C16orf74: variants seen among roughly 807,000 people sequenced by gnomAD.
The protein encoded by C16orf74 is uncharacterized protein C16orf74.
A neutral mutation model predicts 6.5 loss-of-function variants in C16orf74; 10 were observed. The ratio of observed to expected loss-of-function variants is 1.54; its 90% CI spans 0.95 to 2.61. The LOEUF (loss-of-function observed/expected upper bound fraction) is 2.61, where lower values mean the gene tolerates loss of function less well. C16orf74 is among the 30% of genes most tolerant of loss of function. C16orf74 has a pLI of 0.00. For synonymous variants in C16orf74, 60 were observed against 42.5 expected (o/e 1.41, Z -1.60); for missense variants, 141 against 105.9 (o/e 1.33, Z -1.45).
At chr16:85,713,040 G>A (rs558866598) in intron 2 of C16orf74, among the ~76,000 whole-genome samples, 5 of 152,286 alleles carry the variant, frequency 3.3e-5, no homozygotes, top group Non-Finnish European at 5.9e-5. Context: ...TCAACCAGGC[G>A]GCTGGAACAA....
intron 2 of C16orf74, among the ~76,000 whole-genome samples, chr16:85,717,055 G>A (rs929298674): frequency 4.6e-5 from 7 of 152,198 alleles, no homozygotes; most frequent in Admixed American, 4.6e-4. Context: ...CCCCACTTCC[G>A]GGGAGGCTTC....
chr16:85,708,526 C>T (rs1408368123), intron 3 of C16orf74, among the ~76,000 whole-genome samples: 1 of 152,238 alleles, frequency 6.6e-6, no homozygotes, highest in East Asian at 1.9e-4. Context: ...TCTTCTCCCA[C>T]CTTGCTGTGT....
chr16:85,713,733 A>G (rs555302), intron 2 of C16orf74, among the ~76,000 whole-genome samples: 147,817 of 152,270 alleles, frequency 0.97, 71,884 homozygotes, highest in East Asian at 1. Flanking sequence ...GAATTTTTGG[A>G]AGACACGGTT....
chr16:85,747,177 C>G (rs559482569), intron 1 of C16orf74, among the ~76,000 whole-genome samples: 1 of 152,142 alleles, frequency 6.6e-6, no homozygotes, highest in African/African-American at 2.4e-5. Flanking sequence ...GAGCTGAACA[C>G]CTTTAGGATT....
At position 85,723,614 on chromosome 16, in the gene C16orf74, C is replaced by A. The variant is rs150775861; in HGVS notation, c.28+11576G>T. 8.0e-3 allele frequency among the ~76,000 whole-genome samples: 1,225 copies of A among 152,308 alleles called. 6 individuals carry two copies. Among genetic ancestry groups the A allele is most frequent in the Non-Finnish European group, 0.013 (863 of 68,028 alleles). On this transcript the variant is annotated intron_variant, in intron 2 of 3. Coordinates refer to ENST00000284245, the MANE Select transcript of C16orf74 (RefSeq NM_206967.3). ...AAGCTGTCAAAATGTGAAGGGTACACACCCTCCAACCATCTAGAATGTTCC... is the reference window on the plus strand; with the variant it reads ...AAGCTGTCAAAATGTGAAGGGTACAAACCCTCCAACCATCTAGAATGTTCC...
intron 2 of C16orf74, among the ~76,000 whole-genome samples, chr16:85,731,935 C>G (rs1320552288): frequency 1.3e-5 from 2 of 152,252 alleles, no homozygotes; most frequent in Admixed American, 6.5e-5. Flanking sequence ...AAGAGATCCT[C>G]CTGCCTCAGT....
At chr16:85,733,930 G>T (rs1451426764) in intron 2 of C16orf74, among the ~76,000 whole-genome samples, 1 of 152,186 alleles carries the variant, frequency 6.6e-6, no homozygotes, top group South Asian at 2.1e-4. Flanking sequence ...CAGGCCAAAG[G>T]GGCGGGCCTA....
chr16:85,726,089 T>G (rs2054130006), intron 2 of C16orf74, among the ~76,000 whole-genome samples: 1 of 152,168 alleles, frequency 6.6e-6, no homozygotes, highest in Non-Finnish European at 1.5e-5. Context: ...TGCATCCACA[T>G]GGCTAACTCC....
At chr16:85,718,106 A>AT (rs1567803861) in intron 2 of C16orf74, among the ~76,000 whole-genome samples, 1 of 152,070 alleles carries the variant, frequency 6.6e-6, no homozygotes, top group Non-Finnish European at 1.5e-5. Flanking sequence ...TAATGAATTG[A>AT]TTTTTTGAGA....
intron 3 of C16orf74, among the ~76,000 whole-genome samples, chr16:85,708,351 A>G (rs1385726142): frequency 1.3e-5 from 2 of 152,132 alleles, no homozygotes; most frequent in Non-Finnish European, 2.9e-5. Flanking sequence ...TGGTCCTGGG[A>G]GCAGGGAAGG....
intron 2 of C16orf74, among the ~76,000 whole-genome samples, chr16:85,721,981 T>G (rs2054087928): frequency 1.7e-5 from 1 of 60,548 alleles, no homozygotes; most frequent in African/African-American, 8.1e-5. Flanking sequence ...TTCTAACCTT[T>G]TTTTTTTTTT....
chr16:85,723,945 C>T (rs1220618387), intron 2 of C16orf74, among the ~76,000 whole-genome samples: 1 of 152,232 alleles, frequency 6.6e-6, no homozygotes, highest in East Asian at 1.9e-4. Context: ...GGTCTGCTCC[C>T]GTGCCCGGCC....
At chr16:85,748,871 C>T (rs2054402793) in intron 1 of C16orf74, among the ~76,000 whole-genome samples, 1 of 151,620 alleles carries the variant, frequency 6.6e-6, no homozygotes, top group African/African-American at 2.4e-5. Flanking sequence ...CAGGTTAACT[C>T]TGGAATGCCC....
intron 1 of C16orf74, among the ~76,000 whole-genome samples, chr16:85,750,334 G>C (rs1191128644): frequency 6.6e-6 from 1 of 152,176 alleles, no homozygotes; most frequent in African/African-American, 2.4e-5. Flanking sequence ...GGGAGCTGCG[G>C]GTGCCCCTTT....
At chr16:85,748,925 ATT>A (rs748594620) in intron 1 of C16orf74, among the ~76,000 whole-genome samples, 14 of 73,118 alleles carry the variant, frequency 1.9e-4, no homozygotes, top group Non-Finnish European at 2.4e-4. Context: ...GGAGGCTTTG[ATT>A]TTTTTTTTTT....
At chr16:85,744,380 T>A (rs1291327931) in intron 1 of C16orf74, among the ~76,000 whole-genome samples, 7 of 152,094 alleles carry the variant, frequency 4.6e-5, no homozygotes, top group African/African-American at 7.2e-5. Context: ...TAGGTATAAA[T>A]GTTCTATCTT....
intron 2 of C16orf74, among the ~76,000 whole-genome samples, chr16:85,727,687 G>C (rs1343477156): frequency 6.6e-6 from 1 of 151,990 alleles, no homozygotes; most frequent in East Asian, 1.9e-4. Flanking sequence ...GGTGCCTCTT[G>C]CCTGTAGTCC....
At chr16:85,744,827 C>T (rs1208679216) in intron 1 of C16orf74, among the ~76,000 whole-genome samples, 1 of 37,778 alleles carries the variant, frequency 2.6e-5, no homozygotes, top group African/African-American at 1.1e-4. Context: ...AAGACTCCAT[C>T]TCAAAAAAAA....
chr16:85,745,139 TAAAAAAAA>T (rs10554549), intron 1 of C16orf74, among the ~76,000 whole-genome samples: 14 of 51,012 alleles, frequency 2.7e-4, no homozygotes, highest in African/African-American at 1.1e-3. Flanking sequence ...AAACTCTGTC[TAAAAAAAA>T]AAAAAAAAAA....
Sources: gnomAD v4.1 joint callset for allele counts (sites outside exome capture counted in the v4.1 genomes callset) on GRCh38, gnomAD v4.1.1 for gene constraint, MANE v1.5 for transcripts, NCBI Gene and HGNC (gene_info 2026-07-23, HGNC 2026-07-21) for gene names.